PDE6D: variants seen among roughly 807,000 people sequenced by gnomAD.
PDE6D encodes phosphodiesterase 6D.
PDE6D carries 10 observed loss-of-function variants against 21.9 expected under a neutral mutation model. The observed-to-expected ratio is 0.46, with a 90% CI of 0.28 to 0.78. The LOEUF is 0.78. Ranked by LOEUF, PDE6D falls within the 30% of genes least tolerant of loss-of-function variation. The pLI is 0.12. For synonymous variants in PDE6D, 59 were observed against 63.5 expected, an observed-to-expected ratio of 0.93 and a Z score of 0.34; for missense variants, 139 against 184.8, an observed-to-expected ratio of 0.75 and a Z score of 1.44.
chr2:231,763,628 CTTT>C (rs1008984136), intron 1 of PDE6D, among the ~76,000 whole-genome samples: 3 of 148,934 alleles, frequency 2.0e-5, no homozygotes, highest in Non-Finnish European at 3.0e-5. Context: ...TCTTTAAAAA[CTTT>C]TTTTTTCTTT....
At chr2:231,738,987 G>T in intron 2 of PDE6D, 113 bp downstream of exon 2, 2 of 630,788 alleles carry the variant, frequency 3.2e-6, no homozygotes, top group African/African-American at 1.9e-5. Flanking sequence ...TTAACATGCT[G>T]TGTCTTCAGG....
intron 1 of PDE6D, among the ~76,000 whole-genome samples, chr2:231,774,657 C>T (rs1341368609): frequency 2.6e-5 from 4 of 151,508 alleles, no homozygotes; most frequent in Non-Finnish European, 5.9e-5. Flanking sequence ...GGTGCAATCT[C>T]GGCTCATTGC....
intron 3 of PDE6D, 81 bp downstream of exon 3, chr2:231,737,932 C>T (rs745992918): frequency 9.1e-6 from 12 of 1,315,144 alleles, no homozygotes; most frequent in Non-Finnish European, 1.3e-5. Flanking sequence ...TATCAAAGCA[C>T]TGCTTTAGTT....
At chr2:231,752,128 G>C (rs545280189) in intron 1 of PDE6D, among the ~76,000 whole-genome samples, 1 of 152,216 alleles carries the variant, frequency 6.6e-6, no homozygotes, top group East Asian at 1.9e-4. Flanking sequence ...TAAGAAATCT[G>C]CTTAGAAATA....
chr2:231,763,834 A>G (rs990980849), intron 1 of PDE6D, among the ~76,000 whole-genome samples: 1 of 151,418 alleles, frequency 6.6e-6, no homozygotes, highest in Non-Finnish European at 1.5e-5. Context: ...GTTGAGACAG[A>G]GTCTATGTTG....
chr2:231,746,627 A>G (rs566185795), intron 1 of PDE6D, among the ~76,000 whole-genome samples: 3 of 152,170 alleles, frequency 2.0e-5, no homozygotes, highest in South Asian at 4.2e-4. Context: ...CATTTTTTAT[A>G]TAATAAACAG....
intron 4 of PDE6D, among the ~76,000 whole-genome samples, chr2:231,734,222 T>A (rs1316034823): frequency 2.7e-5 from 4 of 149,672 alleles, no homozygotes; most frequent in South Asian, 2.1e-4. Flanking sequence ...TCAAAAAAAA[T>A]AAAAAAAAAT....
At chr2:231,744,311 T>G (rs1362236113) in intron 1 of PDE6D, among the ~76,000 whole-genome samples, 1 of 152,216 alleles carries the variant, frequency 6.6e-6, no homozygotes, top group African/African-American at 2.4e-5. Context: ...TGGCATTTAG[T>G]GAATAGTAAA....
intron 1 of PDE6D, among the ~76,000 whole-genome samples, chr2:231,746,790 G>A (rs1395927878): frequency 1.3e-5 from 2 of 151,990 alleles, no homozygotes; most frequent in Admixed American, 6.6e-5. Context: ...ACACAGGGAC[G>A]GAGTGAAGGG....
chr2:231,752,120 A>G (rs577333459), intron 1 of PDE6D, among the ~76,000 whole-genome samples: 1 of 152,238 alleles, frequency 6.6e-6, no homozygotes, highest in Non-Finnish European at 1.5e-5. Context: ...TTTAACACTA[A>G]GAAATCTGCT....
chr2:231,751,742 T>C (rs538351578), intron 1 of PDE6D, among the ~76,000 whole-genome samples: 7 of 152,302 alleles, frequency 4.6e-5, no homozygotes, highest in South Asian at 4.1e-4. Context: ...ACAGAGATAG[T>C]ATCATTTTTA....
chr2:231,779,754 T>A (rs1029943593), intron 1 of PDE6D, among the ~76,000 whole-genome samples: 1 of 152,222 alleles, frequency 6.6e-6, no homozygotes, highest in African/African-American at 2.4e-5. Flanking sequence ...AGCCTTTAGT[T>A]TTTTTAAAAA....
chr2:231,764,403 C>T (rs2048954256), intron 1 of PDE6D, among the ~76,000 whole-genome samples: 1 of 152,150 alleles, frequency 6.6e-6, no homozygotes, highest in Non-Finnish European at 1.5e-5. Context: ...CTTCCATCCT[C>T]ATACACATTT....
At chr2:231,774,892 CT>C (rs554042419) in intron 1 of PDE6D, among the ~76,000 whole-genome samples, 272 of 138,592 alleles carry the variant, frequency 2.0e-3, no homozygotes, top group African/African-American at 4.3e-3. Context: ...TGCCTGGCAT[CT>C]TTTTTTTTTT....
intron 2 of PDE6D, 143 bp from the exon 3 acceptor site, chr2:231,738,281 G>C (rs953790745): frequency 1.2e-6 from 1 of 825,436 alleles, no homozygotes. Flanking sequence ...TTACATTTTG[G>C]ATAATGCCTT....
At chr2:231,767,143 A>C (rs2048977636) in intron 1 of PDE6D, among the ~76,000 whole-genome samples, 2 of 152,196 alleles carry the variant, frequency 1.3e-5, no homozygotes, top group South Asian at 4.1e-4. Context: ...GCTAAAGTAA[A>C]AAACAATCAC....
chr2:231,745,655 A>C (rs978470068), intron 1 of PDE6D, among the ~76,000 whole-genome samples: 2 of 152,236 alleles, frequency 1.3e-5, no homozygotes, highest in African/African-American at 2.4e-5. Context: ...AGAATATCTT[A>C]AAAGTAAGCT....
At position 231,732,835 on chromosome 2, in the gene PDE6D, C is replaced by A; in HGVS notation, c.*117G>T. 1.4e-6 allele frequency: 1 copy of A among 705,420 alleles called. No homozygotes were observed. The highest frequency in any genetic ancestry group is 2.5e-6 in the Non-Finnish European group (1 of 394,214). The allele number at this position is 705,420 out of a possible 1,614,324, so 43.7% of individuals were successfully genotyped here. On this transcript the variant is annotated 3_prime_UTR_variant, in exon 5 of 5. Transcript: ENST00000287600. ...CCCTGGTGGCTGCAGGTAGGTTCTG[C>A]TGTTGAGGGAATTAGGGGTGTATGT...
At chr2:231,743,375 G>T (rs950732436) in intron 1 of PDE6D, among the ~76,000 whole-genome samples, 1 of 142,500 alleles carries the variant, frequency 7.0e-6, no homozygotes, top group Non-Finnish European at 1.5e-5. Context: ...AGTGAGCAGT[G>T]AGCCAAGATC....
Sources: allele counts gnomAD v4.1 joint callset (sites outside exome capture counted in the v4.1 genomes callset), GRCh38; gene constraint gnomAD v4.1.1; transcripts MANE v1.5; gene names NCBI Gene and HGNC (gene_info 2026-07-23, HGNC 2026-07-21).